The following LPA variants were observed in gnomAD, a reference collection of about 807,000 sequenced individuals.
LPA encodes apolipoprotein(a).
LPA carries 199 observed loss-of-function variants against 197.9 expected under a neutral mutation model. The ratio of observed to expected loss-of-function variants is 1.01; its 90% CI spans 0.90 to 1.13. The LOEUF (loss-of-function observed/expected upper bound fraction) is 1.13. LPA is among the 50% of genes most tolerant of loss of function. The pLI is 0.00. For missense variants in LPA, 1,853 were observed against 1,785.8 expected, an observed-to-expected ratio of 1.04 and a Z score of -0.68; for synonymous variants, 715 against 639.5, an observed-to-expected ratio of 1.12 and a Z score of -1.78.
chr6:160,590,231 C>T (rs753769513), intron 23 of LPA, among the ~76,000 whole-genome samples: 4 of 152,164 alleles, frequency 2.6e-5, no homozygotes, highest in African/African-American at 7.2e-5. Flanking sequence ...GGGGTACTGG[C>T]CAAAATTTTA....
At chr6:160,578,786 C>G (rs1005029549) in intron 26 of LPA, 82 bp from the exon 27 acceptor site, 1 of 1,603,128 alleles carries the variant, frequency 6.2e-7, no homozygotes, top group South Asian at 1.1e-5. Context: ...TTTGCTGTAA[C>G]AAAGTGTTAA....
At chr6:160,615,352 T>TTGTGTGTG (rs370743567) in intron 14 of LPA, among the ~76,000 whole-genome samples, 35 of 122,258 alleles carry the variant, frequency 2.9e-4, no homozygotes, top group East Asian at 2.4e-3. Flanking sequence ...TGTTTTCAGT[T>TTGTGTGTG]TGTGTGTGTG....
At position 160,605,149 on chromosome 6, in the gene LPA, A is replaced by C; in HGVS notation, c.2842T>G (p.Tyr948Asp). Residue 948 changes from tyrosine to aspartate, a missense_variant, in exon 18 of 39, where the codon TAT becomes GAT. Coordinates refer to ENST00000316300, the MANE Select transcript of LPA (RefSeq NM_005577.4). ...QECYHGNGQS[Y>D]QGTYFITVTG... Reference sequence around the variant, plus strand: ...ACAGTAATGAAGTATGTGCCTTGATAACTCTGTCCATTTCCGTGGTAGCAC... The same window carrying C: ...ACAGTAATGAAGTATGTGCCTTGATCACTCTGTCCATTTCCGTGGTAGCAC... 1 of 1,614,010 alleles carries C rather than the reference A, an allele frequency of 6.2e-7. No homozygotes were observed. Among genetic ancestry groups the C allele is most frequent in the Non-Finnish European group, 8.5e-7 (1 of 1,179,888 alleles).
At chr6:160,558,543 G>A (rs899668734) in intron 28 of LPA, among the ~76,000 whole-genome samples, 1 of 152,176 alleles carries the variant, frequency 6.6e-6, no homozygotes, top group African/African-American at 2.4e-5. Flanking sequence ...CATTTCTCTA[G>A]GATGGGTTCC....
intron 1 of LPA, among the ~76,000 whole-genome samples, chr6:160,657,413 T>TG (rs1318861798): frequency 1.3e-5 from 2 of 151,514 alleles, no homozygotes; most frequent in Non-Finnish European, 2.9e-5. Flanking sequence ...TTTTTTTTTT[T>TG]TTTGGAAATG....
intron 16 of LPA, among the ~76,000 whole-genome samples, chr6:160,606,925 C>G (rs1193997415): frequency 1.3e-5 from 2 of 152,052 alleles, no homozygotes; most frequent in Non-Finnish European, 2.9e-5. Flanking sequence ...TACACGTGGG[C>G]AAAAAACGAT....
chr6:160,588,349 G>A (rs1370244257), intron 24 of LPA, among the ~76,000 whole-genome samples: 1 of 151,770 alleles, frequency 6.6e-6, no homozygotes, highest in Non-Finnish European at 1.5e-5. Flanking sequence ...GAGTTTTTCT[G>A]GAGTCACCTT....
At chr6:160,603,304 A>G (rs937537116) in intron 18 of LPA, among the ~76,000 whole-genome samples, 3 of 148,980 alleles carry the variant, frequency 2.0e-5, no homozygotes, top group African/African-American at 2.5e-5. Flanking sequence ...ATGTGTGTAT[A>G]TGTGTGTGTC....
chr6:160,662,086 A>AT (rs1780236595), intron 1 of LPA, among the ~76,000 whole-genome samples: 1 of 151,994 alleles, frequency 6.6e-6, no homozygotes, highest in African/African-American at 2.4e-5. Flanking sequence ...AACAGAATCA[A>AT]TTTTTCTTTT....
chr6:160,569,891 C>T (rs550349844), intron 28 of LPA, among the ~76,000 whole-genome samples: 56 of 152,190 alleles, frequency 3.7e-4, no homozygotes, highest in Non-Finnish European at 6.8e-4. Flanking sequence ...AAAGTGCTCA[C>T]CATCACTGGC....
intron 22 of LPA, 74 bp downstream of exon 22, chr6:160,593,884 G>A: frequency 1.3e-6 from 2 of 1,560,962 alleles, no homozygotes; most frequent in Admixed American, 1.7e-5. Flanking sequence ...TAAGAAGTTA[G>A]TTGGAAGCAT....
intron 2 of LPA, 49 bp downstream of exon 2, chr6:160,650,289 C>A (rs774029483): frequency 1.9e-6 from 3 of 1,603,854 alleles, no homozygotes; most frequent in East Asian, 4.5e-5. Context: ...TTTTCTAAGA[C>A]AAATTTTACT....
chr6:160,564,623 G>A (rs1778418394), intron 28 of LPA, among the ~76,000 whole-genome samples: 2 of 152,168 alleles, frequency 1.3e-5, no homozygotes, highest in African/African-American at 4.8e-5. Context: ...TCCAGCTGAG[G>A]TACTGGGTTC....
intron 18 of LPA, among the ~76,000 whole-genome samples, chr6:160,601,697 G>A (rs567451225): frequency 6.6e-5 from 10 of 152,324 alleles, no homozygotes; most frequent in South Asian, 6.2e-4. Flanking sequence ...TGTCGATACC[G>A]TATCAGGTGG....
intron 28 of LPA, among the ~76,000 whole-genome samples, chr6:160,569,047 G>T (rs1009675214): frequency 6.6e-6 from 1 of 152,136 alleles, no homozygotes; most frequent in Non-Finnish European, 1.5e-5. Flanking sequence ...TGTGAAAATG[G>T]CCATACTGCC....
rs765076734 is a variant in LPA, at chr6:160,557,485, T to C, written c.4718A>G (p.Tyr1573Cys). ...TTCTGAGCATTGTGTCAGATTGCAG[T>C]ACTCCCACCTCACACACGGATCGGT... ...YTTDPCVRWE[Y>C]CNLTQCSETE... Residue 1573 changes from tyrosine (Y) to cysteine (C), a missense_variant, in exon 29 of 39, where the codon TAC (tyrosine) becomes TGC (cysteine). Transcript: ENST00000316300. 40 of 1,613,980 alleles carry C rather than the reference T, an allele frequency of 2.5e-5. No homozygotes were observed. The African/African-American group carries it at 5.2e-4, about 21-fold the overall frequency.
rs1210991576 is a variant in LPA at position 160,611,611 on chromosome 6, A to G, written c.2554T>C (p.Ser852Pro). ...VTGRTCQAWS[S>P]MTPHSHSRTP... ...CGACTATGCGAGTGTGGTGTCATAG[A>G]TGACCAAGCTTGGCAGGTTCTTCCA... The change falls in exon 16 of 39, where the codon TCT becomes CCT. Residue 852 changes from serine (S) to proline (P), a missense_variant. Ser to Pro is a moderately conservative substitution (Grantham distance 74). Around this residue, in one of 3 missense-constraint regions of LPA, gnomAD observed 1,737 missense variants for 1,504.4 expected, o/e 1.15. Transcript: ENST00000316300. The G allele has an allele frequency of 8.1e-6, 13 of 1,600,116 alleles. No individual in the cohort carries two copies. The highest frequency in any genetic ancestry group is 1.1e-5 in the South Asian group (1 of 90,796).
At chr6:160,608,603 G>A (rs1421950700) in intron 16 of LPA, among the ~76,000 whole-genome samples, 1 of 151,758 alleles carries the variant, frequency 6.6e-6, no homozygotes, top group African/African-American at 2.4e-5. Context: ...TTTTCGAAAC[G>A]CCTATTTGAT....
chr6:160,541,289 T>C, intron 34 of LPA, 108 bp from the exon 35 acceptor site: 1 of 844,956 alleles, frequency 1.2e-6, no homozygotes. Context: ...ATGTTCATAT[T>C]CCCAAAGCAA....
Sources: gnomAD v4.1 joint callset for allele counts (sites outside exome capture counted in the v4.1 genomes callset) on GRCh38, gnomAD v4.1.1 for gene constraint, gnomAD v4.1.1 regional missense constraint, MANE v1.5 for transcripts, NCBI Gene and HGNC (gene_info 2026-07-23, HGNC 2026-07-21) for gene names.